CLIC6: variants seen among roughly 807,000 people sequenced by gnomAD.
The protein encoded by CLIC6 is CLIC family member 6, also known as chloride intracellular channel protein 6.
A neutral mutation model predicts 49.2 loss-of-function variants in CLIC6; 39 were observed. The observed-to-expected ratio is 0.79, with a 90% CI of 0.61 to 1.04. The LOEUF is 1.04. CLIC6 is among the 50% of genes least tolerant of loss of function. The probability of loss-of-function intolerance (pLI) is 0.00; values close to 1 mark genes in which losing one functional copy is unlikely to be tolerated. For missense variants in CLIC6, 988 were observed against 993.1 expected, an observed-to-expected ratio of 0.99 and a Z score of 0.07; for synonymous variants, 446 against 433.4, an observed-to-expected ratio of 1.03 and a Z score of -0.36.
chr21:34,714,699 A>C (rs200881609), intron 5 of CLIC6, among the ~76,000 whole-genome samples: 46 of 149,626 alleles, frequency 3.1e-4, no homozygotes, highest in African/African-American at 1.0e-3. Context: ...AAACAAAAAA[A>C]AAAAAAAAAA....
chr21:34,690,119 G>A (rs1195252735), intron 1 of CLIC6, among the ~76,000 whole-genome samples: 1 of 152,166 alleles, frequency 6.6e-6, no homozygotes, highest in Admixed American at 6.5e-5. Flanking sequence ...TATATTCCCT[G>A]ACAAAGGACA....
rs1989484831 is a variant in CLIC6 at position 34,669,561 on chromosome 21, A to G, written c.173A>G (p.Lys58Arg). The change falls in exon 1 of 6, where the codon AAG (lysine) becomes AGG (arginine). Residue 58 changes from lysine (K) to arginine (R), a missense_variant. By Grantham distance (26) the Lys-to-Arg change is conservative. Transcript: ENST00000349499. ...GCGCCGAGGGGCGCCGCCGCTGTGA[A>G]GGAGGCAGGAGGCGGCGGGCCAGAC... ...EEAPRGAAAV[K>R]EAGGGGPDRG... is the part of the protein sequence containing the mutation. The G allele has an allele frequency of 1.6e-6, 2 of 1,247,886 alleles. No homozygotes were observed. The highest frequency in any genetic ancestry group is 1.0e-6 in the Non-Finnish European group (1 of 998,392). 77.3% of individuals were successfully genotyped at this position (1,247,886 alleles called of 1,614,324 possible).
chr21:34,690,962 C>T (rs1989981589), intron 1 of CLIC6, among the ~76,000 whole-genome samples: 1 of 151,680 alleles, frequency 6.6e-6, no homozygotes, highest in Admixed American at 6.6e-5. Flanking sequence ...GTTTGGAGAG[C>T]AGCTGATCCC....
chr21:34,708,463 G>A (rs2056032129), intron 3 of CLIC6, among the ~76,000 whole-genome samples: 1 of 152,150 alleles, frequency 6.6e-6, no homozygotes, highest in Non-Finnish European at 1.5e-5. Flanking sequence ...GCCAGGTGGG[G>A]TCCTGTGTCC....
At position 34,716,422 on chromosome 21, in the gene CLIC6, G is replaced by T. The variant is rs145328525; in HGVS notation, c.2001G>T (p.Thr667=). The T allele has an allele frequency of 6.2e-7, 1 of 1,613,764 alleles. No individual in the cohort carries two copies. The highest frequency in any genetic ancestry group is 8.5e-7 in the Non-Finnish European group (1 of 1,179,870). ...ATGCTAGAGATGAGTTCACAAATAC[G>T]TGTCCAGCTGATCAAGAGATTGAAC... ...NAYARDEFTN[T]CPADQEIEHA... Residue 667 remains threonine, a synonymous_variant, in exon 6 of 6, where the codon ACG becomes ACT. Transcript: ENST00000349499.
chr21:34,681,097 T>C (rs973074865), intron 1 of CLIC6, among the ~76,000 whole-genome samples: 5 of 152,240 alleles, frequency 3.3e-5, no homozygotes, highest in Admixed American at 1.3e-4. Context: ...GGGTTATTTA[T>C]AAAGGAAAGA....
At chr21:34,693,028 C>T (rs763225559) in intron 1 of CLIC6, among the ~76,000 whole-genome samples, 1 of 152,184 alleles carries the variant, frequency 6.6e-6, no homozygotes, top group Non-Finnish European at 1.5e-5. Context: ...ATTTACCAAT[C>T]GTAAATTGCT....
chr21:34,678,025 G>T (rs1199301646), intron 1 of CLIC6, among the ~76,000 whole-genome samples: 4 of 152,158 alleles, frequency 2.6e-5, no homozygotes, highest in African/African-American at 9.7e-5. Flanking sequence ...AGCCATGCTT[G>T]TTCTTTGATG....
chr21:34,700,691 G>T (rs1339584853), intron 1 of CLIC6, among the ~76,000 whole-genome samples: 1 of 139,968 alleles, frequency 7.1e-6, no homozygotes, highest in Non-Finnish European at 1.5e-5. Context: ...TCTTCGAGGG[G>T]GTGGTAGGAA....
intron 5 of CLIC6, among the ~76,000 whole-genome samples, chr21:34,709,781 C>T (rs1196561272): frequency 1.3e-5 from 2 of 152,202 alleles, no homozygotes; most frequent in Admixed American, 1.3e-4. Context: ...CAGCCTTACT[C>T]ACACAGCCTA....
intron 1 of CLIC6, among the ~76,000 whole-genome samples, chr21:34,677,654 A>C (rs570985193): frequency 8.5e-5 from 13 of 152,270 alleles, no homozygotes; most frequent in African/African-American, 3.1e-4. Flanking sequence ...AACTAAAGGG[A>C]AGGGTCAGGA....
At chr21:34,682,477 C>A (rs1042961696) in intron 1 of CLIC6, among the ~76,000 whole-genome samples, 4 of 151,970 alleles carry the variant, frequency 2.6e-5, no homozygotes, top group African/African-American at 7.2e-5. Context: ...TGTGAGATGG[C>A]TGCTTATATT....
chr21:34,696,686 A>G (rs1280199045), intron 1 of CLIC6, among the ~76,000 whole-genome samples: 1 of 152,250 alleles, frequency 6.6e-6, no homozygotes, highest in East Asian at 1.9e-4. Flanking sequence ...TACAGAGCAC[A>G]TGCTCCATAT....
Position 34,709,167 on chromosome 21 carries a change from C to G in CLIC6, c.1718-190C>G, listed in dbSNP as rs151271106. On this transcript the variant is annotated intron_variant, in intron 4 of 5. Transcript: ENST00000349499. ...TCTAGAAGGAGCAATATTGTGTAGA[C>G]AGCAGTGTGATTTTCCAGGGAGGAG... Among the ~76,000 whole-genome samples the G allele has an allele frequency of 2.5e-4, 38 of 152,260 alleles. No homozygotes were observed. The East Asian group carries it at 7.1e-3, about 29-fold the overall frequency.
chr21:34,678,275 CA>C (rs375990037), intron 1 of CLIC6, among the ~76,000 whole-genome samples: 29,965 of 122,826 alleles, frequency 0.24, 3,076 homozygotes, highest in South Asian at 0.27. Flanking sequence ...ACTAAAAATA[CA>C]AAAAAAAAAA....
At chr21:34,672,075 C>T (rs1311954222) in intron 1 of CLIC6, among the ~76,000 whole-genome samples, 3 of 152,196 alleles carry the variant, frequency 2.0e-5, no homozygotes, top group African/African-American at 4.8e-5. Flanking sequence ...TTCTGGCACA[C>T]GGCCTCTTAG....
chr21:34,714,928 A>G (rs2056077894), intron 5 of CLIC6, among the ~76,000 whole-genome samples: 3 of 152,384 alleles, frequency 2.0e-5, no homozygotes, highest in African/African-American at 7.2e-5. Context: ...AAGAAAAACC[A>G]GGTACATACA....
chr21:34,691,360 T>C lies in CLIC6; in HGVS notation c.1375-15920T>C, dbSNP rs972076424. Among the ~76,000 whole-genome samples the C allele has an allele frequency of 3.3e-4, 51 of 152,286 alleles. 1 individual carries two copies. Among genetic ancestry groups the C allele is most frequent in the African/African-American group, 1.2e-3 (49 of 41,550 alleles). The stretch of plus-strand genomic sequence containing the variant: ...CACACTTTTTTTTTGATTCTGACCC[T>C]GATTTCCCTTCTCTTGAAGCTTAAA... On this transcript the variant is annotated intron_variant, in intron 1 of 5. Coordinates refer to ENST00000349499, the MANE Select transcript of CLIC6 (RefSeq NM_053277.3).
Position 34,669,483 on chromosome 21 carries a change from G to A in CLIC6, c.95G>A (p.Gly32Glu). The A allele has an allele frequency of 8.1e-7, 1 of 1,235,570 alleles. No individual in the cohort carries two copies. The highest frequency in any genetic ancestry group is 1.0e-6 in the Non-Finnish European group (1 of 990,456). The allele number at this position is 1,235,570 out of a possible 1,614,324, so 76.5% of individuals were successfully genotyped here. Reference protein sequence around the residue: ...APLAERPGEPGAAGGEAEGPE... With the variant: ...APLAERPGEPEAAGGEAEGPE... ...CTGGCTGAGAGACCCGGAGAGCCAG[G>A]AGCCGCGGGCGGGGAGGCAGAAGGG... Residue 32 changes from glycine (G) to glutamate (E), a missense_variant, in exon 1 of 6, where the codon GGA (glycine) becomes GAA (glutamate). Around this residue, in one of 3 missense-constraint regions of CLIC6, gnomAD observed 284 missense variants for 278.6 expected, o/e 1.02. Coordinates refer to ENST00000349499, the MANE Select transcript of CLIC6 (RefSeq NM_053277.3).
Sources: allele counts gnomAD v4.1 joint callset (sites outside exome capture counted in the v4.1 genomes callset), GRCh38; gene constraint gnomAD v4.1.1; regional missense constraint gnomAD v4.1.1; transcripts MANE v1.5; gene names NCBI Gene and HGNC (gene_info 2026-07-23, HGNC 2026-07-21).